ZNF700: variants seen among roughly 807,000 people sequenced by gnomAD.
ZNF700 encodes zinc finger protein 700.
A neutral mutation model predicts 65.3 loss-of-function variants in ZNF700; 38 were observed. The observed-to-expected ratio is 0.58, with a 90% CI of 0.45 to 0.76. The LOEUF (loss-of-function observed/expected upper bound fraction) is 0.76, where lower values mean the gene tolerates loss of function less well. Ranked by LOEUF, ZNF700 falls within the 30% of genes least tolerant of loss-of-function variation. The pLI is 0.00. For synonymous variants in ZNF700, 285 were observed against 290.4 expected, an observed-to-expected ratio of 0.98 and a Z score of 0.19; for missense variants, 857 against 888.4, an observed-to-expected ratio of 0.96 and a Z score of 0.45.
chr19:11,930,221 A>G lies in ZNF700; in HGVS notation c.63+4948A>G, dbSNP rs535538111. On this transcript the variant is annotated intron_variant, in intron 1 of 3. Transcript: ENST00000254321. The stretch of plus-strand genomic sequence containing the variant: ...ATTAATTGGAGACACATGGCCAATC[A>G]GCTAATTGGATGTTGCTATTGAGGA... Among the ~76,000 whole-genome samples the G allele has an allele frequency of 3.8e-4, 57 of 148,570 alleles. 2 individuals are homozygous for G. Among genetic ancestry groups the G allele is most frequent in the Non-Finnish European group, 4.3e-4 (29 of 67,936 alleles).
intron 1 of ZNF700, among the ~76,000 whole-genome samples, chr19:11,941,767 C>A (rs1270500029): frequency 6.6e-6 from 1 of 152,244 alleles, no homozygotes; most frequent in Non-Finnish European, 1.5e-5. Flanking sequence ...GGCTGAAGGG[C>A]TCCTCAAGTG....
At chr19:11,927,901 T>G (rs1972655577) in intron 1 of ZNF700, among the ~76,000 whole-genome samples, 1 of 152,124 alleles carries the variant, frequency 6.6e-6, no homozygotes, top group Admixed American at 6.5e-5. Flanking sequence ...TTACTCTGGC[T>G]CCCCTAGGCA....
intron 1 of ZNF700, among the ~76,000 whole-genome samples, chr19:11,943,652 C>T (rs1972918355): frequency 6.6e-6 from 1 of 152,166 alleles, no homozygotes; most frequent in Admixed American, 6.6e-5. Context: ...TGGTGTTATA[C>T]AGGCAAGTTC....
In ZNF700 at chr19:11,950,252, A is replaced by G. The variant is rs761861621; in HGVS notation, c.2228A>G (p.Ter743TrpextTer9). 1.2e-6 allele frequency: 2 copies of G among 1,605,452 alleles called. No homozygotes were observed. The highest frequency in any genetic ancestry group is 3.5e-5 in the Admixed American group (2 of 56,822). The part of the protein sequence containing the change: ...ECKDCGKAFS[*>W] The stretch of plus-strand genomic sequence containing the variant: ...AAGGATTGTGGGAAAGCATTCAGCT[A>G]GCCTGGTTCCTTTTATGGACATGAA... Residue 743 changes from the stop codon to tryptophan, a stop_lost, in exon 4 of 4, where the codon TAG becomes TGG. Transcript: ENST00000254321.
Position 11,950,158 on chromosome 19 carries a change from G to A in ZNF700, c.2134G>A (p.Ala712Thr). The A allele has an allele frequency of 6.2e-7, 1 of 1,613,860 alleles. No individual in the cohort carries two copies. Among genetic ancestry groups the A allele is most frequent in the African/African-American group, 1.3e-5 (1 of 75,014 alleles). Residue 712 changes from alanine to threonine, a missense_variant, in exon 4 of 4, where the codon GCA becomes ACA. Transcript: ENST00000254321. ...CTATGAATGTAAGGAATGCGGAAAA[G>A]CATTCAATTATTTTTCTTCCTTGCA... ...KHYECKECGK[A>T]FNYFSSLHIH... is the part of the protein sequence containing the mutation.
chr19:11,944,417 T>C (rs954674676), intron 1 of ZNF700, among the ~76,000 whole-genome samples: 7 of 152,216 alleles, frequency 4.6e-5, no homozygotes, highest in African/African-American at 1.7e-4. Context: ...CCACTCCACC[T>C]TTCCGGAACT....
intron 1 of ZNF700, among the ~76,000 whole-genome samples, chr19:11,928,498 C>T (rs923961566): frequency 1.3e-5 from 2 of 151,294 alleles, no homozygotes; most frequent in Non-Finnish European, 2.9e-5. Context: ...TTTGGGAGGC[C>T]GAGGCGGGCG....
chr19:11,932,635 A>ATTTTT (rs750423524), intron 1 of ZNF700, among the ~76,000 whole-genome samples: 1 of 116,856 alleles, frequency 8.6e-6, no homozygotes, highest in African/African-American at 3.8e-5. Flanking sequence ...CCAATATGTG[A>ATTTTT]TTTTTTTTTT....
intron 1 of ZNF700, among the ~76,000 whole-genome samples, chr19:11,938,402 A>G (rs1972830402): frequency 6.6e-6 from 1 of 151,978 alleles, no homozygotes; most frequent in African/African-American, 2.4e-5. Context: ...ACCCCATGAC[A>G]GGCCCCGGTG....
intron 1 of ZNF700, among the ~76,000 whole-genome samples, chr19:11,945,473 A>G (rs1972944827): frequency 6.6e-6 from 1 of 152,092 alleles, no homozygotes; most frequent in South Asian, 2.1e-4. Context: ...CTGGCAAAGG[A>G]CTATAATTCC....
At chr19:11,934,558 C>T (rs757902334) in intron 1 of ZNF700, among the ~76,000 whole-genome samples, 16 of 147,520 alleles carry the variant, frequency 1.1e-4, no homozygotes, top group Non-Finnish European at 2.2e-4. Flanking sequence ...TGCAGTTTCG[C>T]TTTTGTTTCC....
At position 11,947,268 on chromosome 19, in the gene ZNF700, G is replaced by A. The variant is rs138579575; in HGVS notation, c.151G>A (p.Glu51Lys). 2.2e-5 allele frequency: 35 copies of A among 1,614,082 alleles called. No individual in the cohort carries two copies. The African/African-American group carries it at 2.5e-4, about 12-fold the overall frequency. Residue 51 changes from glutamate (E) to lysine (K), a missense_variant, in exon 2 of 4, where the codon GAA (glutamate) becomes AAA (lysine). Coordinates refer to ENST00000254321, the MANE Select transcript of ZNF700 (RefSeq NM_144566.3). ...LDISQKNLFR[E>K]VMLETFRNLT... is the part of the protein sequence containing the mutation. ...TATTTCCCAGAAGAATCTCTTCAGG[G>A]AAGTGATGCTGGAAACTTTCAGGAA...
Position 11,931,032 on chromosome 19 carries a change from T to C in ZNF700, c.63+5759T>C, listed in dbSNP as rs1486343266. Among the ~76,000 whole-genome samples, 2 of 147,846 alleles carry C rather than the reference T, an allele frequency of 1.4e-5. 1 individual carries two copies. Among genetic ancestry groups the C allele is most frequent in the African/African-American group, 5.3e-5 (2 of 37,644 alleles). On this transcript the variant is annotated intron_variant, in intron 1 of 3. Coordinates refer to ENST00000254321, the MANE Select transcript of ZNF700 (RefSeq NM_144566.3). The stretch of plus-strand genomic sequence containing the variant: ...AAAAAAACAACATAGATGCCCTCGT[T>C]TCACAATTTGCTGTTTTCCATTGGT...
chr19:11,947,508 T>C lies in ZNF700; in HGVS notation c.191-6T>C. On this transcript the variant is annotated splice_polypyrimidine_tract_variant and splice_region_variant and intron_variant, in intron 2 of 3. Transcript: ENST00000254321. ...TCAGGACTATTTTTCTGTGTCTGTA[T>C]TTTAGGAAAAAAATGGAGTGACCAG... The C allele has an allele frequency of 1.9e-6, 3 of 1,611,976 alleles. No homozygotes were observed. The highest frequency in any genetic ancestry group is 2.5e-6 in the Non-Finnish European group (3 of 1,179,516).
In ZNF700 at chr19:11,947,327, T is replaced by C; in HGVS notation, c.190+20T>C. Reference sequence around the variant, plus strand: ...CTATAGGTAAGGATGACAATATTCCTTCCGTCAGTGCATTAGCAAACCAGT... The same window carrying C: ...CTATAGGTAAGGATGACAATATTCCCTCCGTCAGTGCATTAGCAAACCAGT... On this transcript the variant is annotated intron_variant, in intron 2 of 3. Transcript: ENST00000254321. 2.5e-6 allele frequency: 4 copies of C among 1,613,234 alleles called. No homozygotes were observed. Among genetic ancestry groups the C allele is most frequent in the Non-Finnish European group, 3.4e-6 (4 of 1,179,786 alleles).
chr19:11,927,461 AATAG>A (rs1568289088), intron 1 of ZNF700, among the ~76,000 whole-genome samples: 2 of 149,572 alleles, frequency 1.3e-5, no homozygotes, highest in Non-Finnish European at 3.0e-5. Context: ...TAAATAAATA[AATAG>A]AAAAGGAAAA....
At chr19:11,942,638 T>C (rs1320412408) in intron 1 of ZNF700, among the ~76,000 whole-genome samples, 2 of 152,206 alleles carry the variant, frequency 1.3e-5, no homozygotes, top group Non-Finnish European at 2.9e-5. Context: ...TCGTGATCAA[T>C]TAAACAAGGA....
At position 11,950,512 on chromosome 19, in the gene ZNF700, AC is replaced by A; in HGVS notation, c.*260del. The A allele has an allele frequency of 1.6e-6, 1 of 638,906 alleles. No homozygotes were observed. The allele number at this position is 638,906 out of a possible 1,614,324, so 39.6% of individuals were successfully genotyped here. Reference sequence around the variant, plus strand: ...TCCGTTTGATATCATGAAAGGACTTACACTGGAGTGAAACCCTATGAATGTA... The same window carrying A: ...TCCGTTTGATATCATGAAAGGACTTAACTGGAGTGAAACCCTATGAATGTA... On this transcript the variant is annotated 3_prime_UTR_variant, in exon 4 of 4. Coordinates refer to ENST00000254321, the MANE Select transcript of ZNF700 (RefSeq NM_144566.3).
intron 1 of ZNF700, among the ~76,000 whole-genome samples, chr19:11,942,171 C>T (rs1173196391): frequency 6.6e-6 from 1 of 150,720 alleles, no homozygotes; most frequent in African/African-American, 2.4e-5. Context: ...GGTGTTTCCC[C>T]TCCTCTCTGC....
Sources: allele counts gnomAD v4.1 joint callset (sites outside exome capture counted in the v4.1 genomes callset), GRCh38; gene constraint gnomAD v4.1.1; transcripts MANE v1.5; gene names NCBI Gene and HGNC (gene_info 2026-07-23, HGNC 2026-07-21).